Variants in RYR2 observed in about 807,000 individuals in gnomAD.
The protein encoded by RYR2 is cardiac muscle ryanodine receptor-calcium release channel.
A neutral mutation model predicts 601.1 loss-of-function variants in RYR2; 227 were observed. The observed-to-expected ratio is 0.38, with a 90% CI of 0.34 to 0.42. The LOEUF is 0.42. RYR2 is among the 10% of genes least tolerant of loss of function. The pLI is 1.00. For synonymous variants in RYR2, 2,223 were observed against 2,175.1 expected, an observed-to-expected ratio of 1.02 and a Z score of -0.61; for missense variants, 4,646 against 6,156.5, an observed-to-expected ratio of 0.75 and a Z score of 8.21.
intron 2 of RYR2, among the ~76,000 whole-genome samples, chr1:237,324,203 T>C (rs1050607781): frequency 8.5e-5 from 13 of 152,308 alleles, no homozygotes; most frequent in Middle Eastern, 3.4e-3. Context: ...TACAACACCA[T>C]GGTTTTTTTT....
intron 1 of RYR2, among the ~76,000 whole-genome samples, chr1:237,147,132 T>C (rs1228225481): frequency 1.3e-5 from 2 of 152,182 alleles, no homozygotes; most frequent in African/African-American, 4.8e-5. Flanking sequence ...CTCTTTTTAC[T>C]TAAAAATATT....
chr1:237,451,818 A>G (rs1011724543), intron 14 of RYR2, among the ~76,000 whole-genome samples: 4 of 151,952 alleles, frequency 2.6e-5, no homozygotes, highest in Non-Finnish European at 4.4e-5. Flanking sequence ...ATTAATGCCA[A>G]TTTACTTATT....
intron 25 of RYR2, among the ~76,000 whole-genome samples, chr1:237,540,929 A>G (rs570483940): frequency 3.3e-5 from 5 of 151,424 alleles, no homozygotes; most frequent in African/African-American, 4.9e-5. Context: ...ATATATATAT[A>G]TGTATGCACA....
intron 6 of RYR2, among the ~76,000 whole-genome samples, chr1:237,372,004 G>A (rs2149769266): frequency 6.6e-6 from 1 of 152,156 alleles, no homozygotes; most frequent in South Asian, 2.1e-4. Flanking sequence ...GTATACGTAT[G>A]TAACAAACCT....
intron 3 of RYR2, among the ~76,000 whole-genome samples, chr1:237,334,630 G>A (rs895905028): frequency 1.3e-5 from 2 of 152,134 alleles, no homozygotes; most frequent in Non-Finnish European, 2.9e-5. Context: ...CAGGCAACGA[G>A]AAGGAGAAGG....
chr1:237,726,292 G>T lies in RYR2; in HGVS notation c.10709G>T (p.Arg3570Leu). ...TTTCAGAAGTCTAAACGTGTGGGTC[G>T]GAGACATTACTGTCTGGGAAGTACA... is the stretch of plus-strand genomic sequence containing the variant. ...HLEQKSKRVG[R>L]RHYCLVEHPQ... Residue 3570 changes from arginine to leucine, a missense_variant, in exon 75 of 105, where the codon CGG becomes CTG. By Grantham distance (102) the Arg-to-Leu change is moderately radical. Transcript: ENST00000366574. The T allele has an allele frequency of 6.3e-7, 1 of 1,589,178 alleles. No individual in the cohort carries two copies. The highest frequency in any genetic ancestry group is 2.3e-5 in the East Asian group (1 of 44,422).
chr1:237,773,057 G>A (rs1694394412), intron 86 of RYR2, among the ~76,000 whole-genome samples: 1 of 152,184 alleles, frequency 6.6e-6, no homozygotes, highest in African/African-American at 2.4e-5. Context: ...CTCAGGGACA[G>A]ACACAAAAGC....
chr1:237,592,833 T>C (rs1675369283), intron 32 of RYR2, among the ~76,000 whole-genome samples: 1 of 151,570 alleles, frequency 6.6e-6, no homozygotes, highest in African/African-American at 2.4e-5. Context: ...ACAGCCTGGC[T>C]AACATGGTGA....
chr1:237,565,174 T>TCTTC (rs1671890025), intron 27 of RYR2, among the ~76,000 whole-genome samples: 4 of 31,636 alleles, frequency 1.3e-4, no homozygotes, highest in Non-Finnish European at 1.7e-4. Context: ...TTTCTTTCTT[T>TCTTC]CTTTCTTTCT....
chr1:237,283,603 A>G (rs1691132206), intron 2 of RYR2, among the ~76,000 whole-genome samples: 1 of 152,166 alleles, frequency 6.6e-6, no homozygotes, highest in Admixed American at 6.5e-5. Flanking sequence ...GCAGTTTATC[A>G]GTTCATTTGA....
intron 1 of RYR2, among the ~76,000 whole-genome samples, chr1:237,120,604 T>C (rs2148645354): frequency 6.6e-6 from 1 of 152,284 alleles, no homozygotes; most frequent in Non-Finnish European, 1.5e-5. Flanking sequence ...GTCTCTTAAG[T>C]TCCTCAAGCC....
chr1:237,617,355 T>A lies in RYR2; in HGVS notation c.5785T>A (p.Ser1929Thr), dbSNP rs1276575079. ...CCGGATAGAAGCCATTGTAGCCTTT[T>A]CAGATGATTTTGTGGCTAAGCTCCA... ...RHRIEAIVAF[S>T]DDFVAKLQDN... is the part of the protein sequence containing the mutation. The change falls in exon 38 of 105, where the codon TCA becomes ACA. Residue 1929 changes from serine (S) to threonine (T), a missense_variant. Physicochemically the swap from Ser to Thr is moderately conservative, Grantham distance 58 (BLOSUM62 1). Transcript: ENST00000366574. 3 of 1,613,850 alleles carry A rather than the reference T, an allele frequency of 1.9e-6. No individual in the cohort carries two copies. In the African/African-American group the frequency reaches 4.0e-5, roughly 22 times the overall value.
intron 3 of RYR2, among the ~76,000 whole-genome samples, chr1:237,350,812 T>C (rs1316353027): frequency 6.6e-6 from 1 of 151,478 alleles, no homozygotes; most frequent in Non-Finnish European, 1.5e-5. Context: ...TATCAGGAGA[T>C]CTCAATCAAC....
At chr1:237,611,074 G>C (rs1573106158) in intron 36 of RYR2, 86 bp downstream of exon 36, 2 of 1,129,810 alleles carry the variant, frequency 1.8e-6, no homozygotes, top group East Asian at 5.1e-5. Flanking sequence ...GTGCGGGGCA[G>C]GGGTGGTTCT....
intron 1 of RYR2, among the ~76,000 whole-genome samples, chr1:237,120,387 A>G (rs772212038): frequency 3.3e-5 from 5 of 152,204 alleles, no homozygotes; most frequent in African/African-American, 4.8e-5. Flanking sequence ...TGTCAGAAAT[A>G]TGGTAAATTT....
intron 2 of RYR2, among the ~76,000 whole-genome samples, chr1:237,271,543 T>C (rs1205314930): frequency 6.6e-6 from 1 of 152,174 alleles, no homozygotes. Context: ...AACTATTCAC[T>C]TTGAGACAGA....
At chr1:237,395,430 A>G (rs542674904) in intron 10 of RYR2, among the ~76,000 whole-genome samples, 1 of 151,974 alleles carries the variant, frequency 6.6e-6, no homozygotes, top group Non-Finnish European at 1.5e-5. Flanking sequence ...GGGTGACTGT[A>G]ACTATTTTTC....
chr1:237,795,625 A>ACTTTT (rs1553329100), intron 96 of RYR2, among the ~76,000 whole-genome samples: 1 of 149,842 alleles, frequency 6.7e-6, no homozygotes, highest in Non-Finnish European at 1.5e-5. Flanking sequence ...TAATTTTTGT[A>ACTTTT]TTTTTAGTCG....
chr1:237,735,231 A>T (rs997080595), intron 79 of RYR2, among the ~76,000 whole-genome samples: 1 of 152,212 alleles, frequency 6.6e-6, no homozygotes, highest in Non-Finnish European at 1.5e-5. Flanking sequence ...GAGTGGGGAC[A>T]TGCTGTAGTG....
Sources: allele counts gnomAD v4.1 joint callset (sites outside exome capture counted in the v4.1 genomes callset), GRCh38; gene constraint gnomAD v4.1.1; transcripts MANE v1.5; gene names NCBI Gene and HGNC (gene_info 2026-07-23, HGNC 2026-07-21).